MYO10: variants seen among roughly 807,000 people sequenced by gnomAD.
MYO10 encodes the protein myosin X.
Under a neutral mutation model 257.3 loss-of-function variants are expected in MYO10, and 133 were observed. That is an observed-to-expected ratio of 0.52 (90% CI 0.45 to 0.60). MYO10 has a LOEUF of 0.60. Ranked by LOEUF, MYO10 falls within the 20% of genes least tolerant of loss-of-function variation. MYO10 has a pLI of 0.00. For missense variants in MYO10, 2,399 were observed against 2,635.7 expected, an observed-to-expected ratio of 0.91 and a Z score of 1.97; for synonymous variants, 1,104 against 1,028.6, an observed-to-expected ratio of 1.07 and a Z score of -1.40.
intron 5 of MYO10, 43 bp from the exon 6 acceptor site, chr5:16,781,872 G>C (rs1027259730): frequency 6.2e-7 from 1 of 1,601,726 alleles, no homozygotes; most frequent in African/African-American, 1.3e-5. Flanking sequence ...AATAAGGGTG[G>C]GTCTGAAGAC....
At position 16,884,592 on chromosome 5, in the gene MYO10, G is replaced by C. The variant is rs143951484; in HGVS notation, c.22-6885C>G. ...CTAGGGAGTGGGGATATTGGTTCTT[G>C]ATGAACTGCAGAAACGGGTTGTGAG... On this transcript the variant is annotated intron_variant, in intron 1 of 40. Transcript: ENST00000513610. Among the ~76,000 whole-genome samples the C allele has an allele frequency of 4.7e-3, 716 of 151,990 alleles. 12 individuals are homozygous for C. The highest frequency in any genetic ancestry group is 0.017 in the African/African-American group (689 of 41,476).
intron 1 of MYO10, among the ~76,000 whole-genome samples, chr5:16,898,702 C>T (rs946904375): frequency 6.6e-5 from 10 of 151,832 alleles, no homozygotes; most frequent in African/African-American, 2.4e-4. Flanking sequence ...AGCCACCATG[C>T]CTGGCCCCAT....
intron 3 of MYO10, among the ~76,000 whole-genome samples, chr5:16,803,382 T>A (rs979432099): frequency 3.3e-5 from 5 of 151,966 alleles, no homozygotes; most frequent in Admixed American, 6.6e-5. Flanking sequence ...GAACCAAGAT[T>A]GTGCCACCGC....
intron 26 of MYO10, among the ~76,000 whole-genome samples, chr5:16,698,623 G>GTTTTTTTTTTTTTTTTT (rs5866202): frequency 8.8e-6 from 1 of 113,860 alleles, no homozygotes. Flanking sequence ...AGAACATGCA[G>GTTTTTTTTTTTTTTTTT]TTTTTTTTTT....
chr5:16,914,968 G>A (rs942631204), intron 1 of MYO10, among the ~76,000 whole-genome samples: 2 of 152,078 alleles, frequency 1.3e-5, no homozygotes, highest in African/African-American at 2.4e-5. Context: ...TTAAATAAAC[G>A]GAAATTTCCC....
At chr5:16,810,556 G>A (rs533343691) in intron 3 of MYO10, among the ~76,000 whole-genome samples, 4 of 152,322 alleles carry the variant, frequency 2.6e-5, no homozygotes, top group Admixed American at 6.5e-5. Flanking sequence ...CACTTTGGGA[G>A]GTCAAGGTGG....
intron 19 of MYO10, among the ~76,000 whole-genome samples, chr5:16,726,220 G>A (rs923171892): frequency 1.3e-5 from 2 of 152,278 alleles, no homozygotes; most frequent in East Asian, 1.9e-4. Context: ...ATCTGTGGAC[G>A]ATCATCAAGT....
chr5:16,760,880 A>G (rs1423111529), intron 17 of MYO10, among the ~76,000 whole-genome samples: 3 of 152,174 alleles, frequency 2.0e-5, no homozygotes, highest in East Asian at 3.8e-4. Context: ...CCTCATCTGC[A>G]TAAGAGGATT....
At chr5:16,747,384 T>C (rs1280940907) in intron 19 of MYO10, among the ~76,000 whole-genome samples, 3 of 152,214 alleles carry the variant, frequency 2.0e-5, no homozygotes, top group African/African-American at 4.8e-5. Context: ...TTTCGCACAG[T>C]TGAGCACTCA....
chr5:16,671,313 C>T, intron 38 of MYO10, 109 bp downstream of exon 38: 5 of 1,342,688 alleles, frequency 3.7e-6, no homozygotes, highest in African/African-American at 1.5e-5. Flanking sequence ...GCTGGGAAAT[C>T]CACAGGTGTG....
intron 1 of MYO10, among the ~76,000 whole-genome samples, chr5:16,883,517 T>C (rs1234012527): frequency 6.6e-6 from 1 of 152,168 alleles, no homozygotes; most frequent in Non-Finnish European, 1.5e-5. Flanking sequence ...TTGTGGACAA[T>C]TATCCCCTTC....
chr5:16,815,692 TAAC>T (rs1040724715), intron 3 of MYO10, among the ~76,000 whole-genome samples: 1 of 152,126 alleles, frequency 6.6e-6, no homozygotes, highest in Non-Finnish European at 1.5e-5. Context: ...TATTTAATAA[TAAC>T]AACACACGCA....
intron 2 of MYO10, among the ~76,000 whole-genome samples, chr5:16,823,250 G>A (rs1392858644): frequency 6.7e-6 from 1 of 149,848 alleles, no homozygotes; most frequent in Non-Finnish European, 1.5e-5. Flanking sequence ...TTCAAGACCA[G>A]CCTGGCCAAC....
At chr5:16,801,476 TGCTGGCATTACAG>T (rs1407140515) in intron 3 of MYO10, among the ~76,000 whole-genome samples, 1 of 152,124 alleles carries the variant, frequency 6.6e-6, no homozygotes, top group Non-Finnish European at 1.5e-5. Context: ...CCTCCCAAAG[TGCTGGCATTACAG>T]GCATGAGCCA....
Position 16,912,802 on chromosome 5 carries a change from G to GCGCACACA in MYO10, c.21+22985_21+22986insTGTGTGCG, listed in dbSNP as rs374077433. On this transcript the variant is annotated intron_variant, in intron 1 of 40. Coordinates refer to ENST00000513610, the MANE Select transcript of MYO10 (RefSeq NM_012334.3). ...CCAGACTTCCTTCACCTACCACCCT[G>GCGCACACA]CACACACACACACACACACACACAC... Among the ~76,000 whole-genome samples, 13 of 111,646 alleles carry GCGCACACA rather than the reference G, an allele frequency of 1.2e-4. 1 individual carries two copies. The highest frequency in any genetic ancestry group is 3.5e-4 in the African/African-American group (10 of 28,192). 73.2% of individuals were successfully genotyped at this position (111,646 alleles called of 152,430 possible).
intron 4 of MYO10, among the ~76,000 whole-genome samples, chr5:16,788,190 G>A (rs753224561): frequency 2.0e-5 from 3 of 152,164 alleles, no homozygotes; most frequent in Non-Finnish European, 4.4e-5. Flanking sequence ...CGCGGGGGCA[G>A]CAGAGATGAA....
chr5:16,699,786 CAAAAAAAAAAA>C (rs1203905060), intron 25 of MYO10: 3 of 53,304 alleles, frequency 5.6e-5, no homozygotes, highest in Non-Finnish European at 8.9e-5. Context: ...GCCTCAGTCT[CAAAAAAAAAAA>C]AAAAAAAAAA....
At chr5:16,694,239 C>G in intron 27 of MYO10, 132 bp downstream of exon 27, 1 of 1,362,062 alleles carries the variant, frequency 7.3e-7, no homozygotes, top group Non-Finnish European at 1.0e-6. Flanking sequence ...GTAATTTAAC[C>G]TACTGAACTG....
chr5:16,778,514 C>T, intron 9 of MYO10, among the ~76,000 whole-genome samples: 1 of 152,002 alleles, frequency 6.6e-6, no homozygotes, highest in Non-Finnish European at 1.5e-5. Context: ...CAGGGCTTGT[C>T]TGGGCATCCC....
Sources: allele counts gnomAD v4.1 joint callset (sites outside exome capture counted in the v4.1 genomes callset), GRCh38; gene constraint gnomAD v4.1.1; transcripts MANE v1.5; gene names NCBI Gene and HGNC (gene_info 2026-07-23, HGNC 2026-07-21).